Variants in TNRC6B observed in about 807,000 individuals in gnomAD.
The protein encoded by TNRC6B is trinucleotide repeat containing adaptor 6B.
Under a neutral mutation model 203.6 loss-of-function variants are expected in TNRC6B, and 52 were observed. The observed-to-expected ratio is 0.26, with a 90% CI of 0.20 to 0.32. The LOEUF is 0.32. TNRC6B is among the 10% of genes least tolerant of loss of function. The pLI, the probability that TNRC6B is intolerant of heterozygous loss-of-function variation, is 1.00. For synonymous variants in TNRC6B, 838 were observed against 845.7 expected (o/e 0.99, Z 0.16); for missense variants, 1,923 against 2,286.2 (o/e 0.84, Z 3.24).
chr22:40,096,400 C>T (rs2068186301), intron 1 of TNRC6B, among the ~76,000 whole-genome samples: 1 of 152,210 alleles, frequency 6.6e-6, no homozygotes, highest in Admixed American at 6.5e-5. Context: ...ACATTTCCTG[C>T]AGAGATAGGA....
At chr22:40,259,294 G>A (rs956403119) in intron 3 of TNRC6B, among the ~76,000 whole-genome samples, 1 of 151,688 alleles carries the variant, frequency 6.6e-6, no homozygotes, top group Non-Finnish European at 1.5e-5. Flanking sequence ...GCACGATCTC[G>A]GCTCACTGCA....
intron 1 of TNRC6B, among the ~76,000 whole-genome samples, chr22:40,076,801 GCTTTAC>G (rs1196394390): frequency 9.2e-5 from 14 of 152,094 alleles, no homozygotes; most frequent in African/African-American, 3.4e-4. Flanking sequence ...CTGTTTCTAA[GCTTTAC>G]CTTTAGCTTG....
At chr22:40,300,730 T>C in intron 13 of TNRC6B, 144 bp downstream of exon 13, 1 of 1,282,928 alleles carries the variant, frequency 7.8e-7, no homozygotes, top group Non-Finnish European at 1.1e-6. Flanking sequence ...TGGAGTGTGC[T>C]TAAGGGTTGT....
intron 1 of TNRC6B, among the ~76,000 whole-genome samples, chr22:40,204,700 C>G (rs1294819628): frequency 6.6e-6 from 1 of 152,174 alleles, no homozygotes; most frequent in Non-Finnish European, 1.5e-5. Context: ...GAATAATTGA[C>G]TCTGGTAGTG....
chr22:40,130,638 T>G (rs1221186661), intron 3 of TNRC6B, among the ~76,000 whole-genome samples: 1 of 148,944 alleles, frequency 6.7e-6, no homozygotes, highest in Non-Finnish European at 1.5e-5. Context: ...AAAAAAAAAA[T>G]TAGCCGGGCG....
In TNRC6B at chr22:40,266,517, A is replaced by G; in HGVS notation, c.2287A>G (p.Ser763Gly). 1 of 1,613,830 alleles carries G rather than the reference A, an allele frequency of 6.2e-7. No homozygotes were observed. The highest frequency in any genetic ancestry group is 8.5e-7 in the Non-Finnish European group (1 of 1,179,788). Residue 763 changes from serine to glycine, a missense_variant, in exon 5 of 23, where the codon AGT (serine) becomes GGT (glycine). Coordinates refer to ENST00000454349, the MANE Select transcript of TNRC6B (RefSeq NM_001162501.2). ...VDQTKNSNWE[S>G]SASKPVSGWG... ...TCAGACAAAAAACAGCAATTGGGAA[A>G]GTTCTGCAAGTAAACCTGTGTCTGG...
intron 4 of TNRC6B, among the ~76,000 whole-genome samples, chr22:40,169,707 C>T (rs1394361114): frequency 6.6e-6 from 1 of 152,080 alleles, no homozygotes. Flanking sequence ...TCTAGAAATA[C>T]AAATCTGATT....
chr22:40,045,806 G>T (rs1221411024), intron 1 of TNRC6B, among the ~76,000 whole-genome samples: 1 of 152,146 alleles, frequency 6.6e-6, no homozygotes, highest in Non-Finnish European at 1.5e-5. Context: ...GTCCAGTAAC[G>T]GTCACCTCTA....
chr22:40,051,452 G>A (rs546106555), intron 1 of TNRC6B, among the ~76,000 whole-genome samples: 3 of 152,306 alleles, frequency 2.0e-5, no homozygotes, highest in Admixed American at 6.5e-5. Context: ...TTCTAAAGAC[G>A]TTGTATACTT....
intron 3 of TNRC6B, among the ~76,000 whole-genome samples, chr22:40,149,710 GA>G (rs1306580108): frequency 1.4e-5 from 2 of 147,096 alleles, no homozygotes; most frequent in Non-Finnish European, 3.0e-5. Context: ...AAAGATTAAA[GA>G]GGGGCATGAT....
chr22:40,301,541 C>T, intron 15 of TNRC6B: 3 of 569,180 alleles, frequency 5.3e-6, no homozygotes, highest in South Asian at 2.5e-5. Context: ...AATAGCAGAG[C>T]CAGGCCTCTA....
chr22:40,057,663 A>C (rs937788496), intron 1 of TNRC6B, among the ~76,000 whole-genome samples: 1 of 152,152 alleles, frequency 6.6e-6, no homozygotes, highest in African/African-American at 2.4e-5. Context: ...CAAAAACTGG[A>C]AGTGGACCAG....
chr22:40,167,941 A>G (rs925599659), intron 4 of TNRC6B, among the ~76,000 whole-genome samples: 1 of 152,122 alleles, frequency 6.6e-6, no homozygotes, highest in African/African-American at 2.4e-5. Flanking sequence ...CTAGAGCTTT[A>G]GGAGGGGCCC....
chr22:40,074,792 A>T (rs1431062231), intron 1 of TNRC6B, among the ~76,000 whole-genome samples: 1 of 149,836 alleles, frequency 6.7e-6, no homozygotes, highest in Admixed American at 6.6e-5. Context: ...AAAAAAAATA[A>T]AATAAAATAA....
intron 1 of TNRC6B, among the ~76,000 whole-genome samples, chr22:40,187,642 C>T (rs1277200078): frequency 1.3e-5 from 2 of 152,138 alleles, no homozygotes; most frequent in Admixed American, 1.3e-4. Flanking sequence ...GTCCCAGCGT[C>T]CCTGTGTGGT....
Position 40,264,719 on chromosome 22 carries a change from T to C in TNRC6B, c.489T>C (p.Asn163=). 6.2e-7 allele frequency: 1 copy of C among 1,603,712 alleles called. No individual in the cohort carries two copies. Among genetic ancestry groups the C allele is most frequent in the Non-Finnish European group, 8.5e-7 (1 of 1,173,822 alleles). ...DSTLGGAAAS[N]YANSTWGSGA... is the part of the protein sequence containing the mutation. ...CCCTTGGAGGTGCTGCTGCTTCAAA[T>C]TATGCAAATTCCACTTGGGGCTCGG... Residue 163 remains asparagine, a synonymous_variant, in exon 5 of 23, where the codon AAT becomes AAC. Coordinates refer to ENST00000454349, the MANE Select transcript of TNRC6B (RefSeq NM_001162501.2).
intron 1 of TNRC6B, among the ~76,000 whole-genome samples, chr22:40,197,674 G>GTTCA (rs1190125535): frequency 2.0e-5 from 3 of 149,836 alleles, no homozygotes; most frequent in Non-Finnish European, 4.4e-5. Context: ...GCGATTCATA[G>GTTCA]TTCAGTGCAG....
At chr22:40,198,398 C>T (rs867589315) in intron 1 of TNRC6B, among the ~76,000 whole-genome samples, 9 of 152,072 alleles carry the variant, frequency 5.9e-5, no homozygotes, top group Middle Eastern at 3.4e-3. Context: ...TCTCTCTTTT[C>T]CTTCCTGAAC....
intron 1 of TNRC6B, among the ~76,000 whole-genome samples, chr22:40,062,847 C>T (rs2067865609): frequency 6.6e-6 from 1 of 151,964 alleles, no homozygotes. Flanking sequence ...CTTTATATAT[C>T]TAGATATAAA....
Sources: allele counts gnomAD v4.1 joint callset (sites outside exome capture counted in the v4.1 genomes callset), GRCh38; gene constraint gnomAD v4.1.1; transcripts MANE v1.5; gene names NCBI Gene and HGNC (gene_info 2026-07-23, HGNC 2026-07-21).